Variants in SHPRH observed in about 807,000 individuals in gnomAD.
SHPRH encodes SNF2 histone linker PHD RING helicase.
SHPRH carries 106 observed loss-of-function variants against 202.5 expected under a neutral mutation model. The ratio of observed to expected loss-of-function variants is 0.52; its 90% CI spans 0.45 to 0.62. The LOEUF (loss-of-function observed/expected upper bound fraction) is 0.62, where lower values mean the gene tolerates loss of function less well. SHPRH is among the 20% of genes least tolerant of loss of function. The pLI is 0.00. For missense variants in SHPRH, 1,710 were observed against 2,020.0 expected (o/e 0.85, Z 2.94); for synonymous variants, 729 against 686.0 (o/e 1.06, Z -0.98).
chr6:145,932,671 C>A (rs765066795), intron 14 of SHPRH, among the ~76,000 whole-genome samples: 1 of 152,106 alleles, frequency 6.6e-6, no homozygotes, highest in African/African-American at 2.4e-5. Flanking sequence ...TATTTTTAAA[C>A]CAATGAACAA....
intron 2 of SHPRH, among the ~76,000 whole-genome samples, chr6:145,873,680 G>T (rs528138044): frequency 2.4e-5 from 3 of 125,488 alleles, no homozygotes; most frequent in Non-Finnish European, 4.8e-5. Flanking sequence ...TAGTGTCTCA[G>T]TAACAGTTGC....
chr6:145,867,929 TA>T (rs1364777232), intron 2 of SHPRH, among the ~76,000 whole-genome samples: 2 of 152,044 alleles, frequency 1.3e-5, no homozygotes, highest in Non-Finnish European at 2.9e-5. Flanking sequence ...TCTTCTAGAC[TA>T]AAAACAAAAC....
chr6:145,933,669 T>C lies in SHPRH; in HGVS notation c.2991-491A>G, dbSNP rs192268173. ...ACACAGCAATTTGTTCATATATCTTTTGAAATTTACTATGTTCACTTCATA... is the reference window on the plus strand; with the variant it reads ...ACACAGCAATTTGTTCATATATCTTCTGAAATTTACTATGTTCACTTCATA... On this transcript the variant is annotated intron_variant, in intron 13 of 29. Coordinates refer to ENST00000275233, the MANE Select transcript of SHPRH (RefSeq NM_001042683.3). Among the ~76,000 whole-genome samples the C allele has an allele frequency of 1.8e-3, 272 of 152,344 alleles. 1 individual carries two copies. The highest frequency in any genetic ancestry group is 6.2e-3 in the African/African-American group (259 of 41,582).
chr6:145,926,101 T>C (rs1200337698), intron 16 of SHPRH, 103 bp downstream of exon 16: 2 of 1,039,034 alleles, frequency 1.9e-6, no homozygotes, highest in Non-Finnish European at 2.8e-6. Flanking sequence ...GAAAACATGA[T>C]TACATTTATT....
intron 13 of SHPRH, among the ~76,000 whole-genome samples, chr6:145,934,183 TA>T (rs935192776): frequency 2.2e-4 from 33 of 151,840 alleles, no homozygotes; most frequent in African/African-American, 7.0e-4. Context: ...TACAAAAACA[TA>T]AAACAGGCCG....
At chr6:145,915,265 T>C (rs1783851160) in intron 23 of SHPRH, among the ~76,000 whole-genome samples, 1 of 150,836 alleles carries the variant, frequency 6.6e-6, no homozygotes, top group Non-Finnish European at 1.5e-5. Flanking sequence ...CTCTTTCCTT[T>C]GTGCTACTGA....
At chr6:145,946,445 TA>T in intron 6 of SHPRH, 104 bp from the exon 7 acceptor site, 2 of 925,656 alleles carry the variant, frequency 2.2e-6, no homozygotes, top group Non-Finnish European at 3.1e-6. Flanking sequence ...AAAACAGTTC[TA>T]AAAAAATTGC....
intron 25 of SHPRH, chr6:145,905,769 G>C (rs1458925922): frequency 6.6e-6 from 1 of 151,842 alleles, no homozygotes; most frequent in Admixed American, 6.6e-5. Context: ...ATGTATTCAG[G>C]GGATTCACAG....
chr6:145,929,194 A>G (rs1785183998), intron 14 of SHPRH, among the ~76,000 whole-genome samples: 1 of 151,944 alleles, frequency 6.6e-6, no homozygotes, highest in Non-Finnish European at 1.5e-5. Context: ...TCAATGTTAT[A>G]AAGGTTTAAG....
In SHPRH at chr6:145,886,495, A is replaced by T; in HGVS notation, c.*196T>A. On this transcript the variant is annotated 3_prime_UTR_variant, in exon 30 of 30. Coordinates refer to ENST00000275233, the MANE Select transcript of SHPRH (RefSeq NM_001042683.3). ...TAGGAGTGTAAAATTAAGAATCTTT[A>T]TAGATCTTTTGGAAACAGTATATTG... 1 of 1,014,812 alleles carries T rather than the reference A, an allele frequency of 9.9e-7. No individual in the cohort carries two copies. The highest frequency in any genetic ancestry group is 1.5e-6 in the Non-Finnish European group (1 of 662,096). The allele number at this position is 1,014,812 out of a possible 1,614,324, so 62.9% of individuals were successfully genotyped here. A position where few individuals can be genotyped will look rare whatever the true frequency, so the allele number is the denominator to read the frequency against.
intron 24 of SHPRH, among the ~76,000 whole-genome samples, chr6:145,912,279 G>T (rs978970524): frequency 1.8e-4 from 28 of 151,826 alleles, no homozygotes; most frequent in African/African-American, 6.0e-4. Flanking sequence ...AAAAAAATAC[G>T]GCTACTATAT....
At position 145,955,207 on chromosome 6, in the gene SHPRH, T is replaced by C. The variant is rs1289049275; in HGVS notation, c.116A>G (p.Asp39Gly). 1 of 1,613,756 alleles carries C rather than the reference T, an allele frequency of 6.2e-7. No individual in the cohort carries two copies. Among genetic ancestry groups the C allele is most frequent in the Admixed American group, 1.7e-5 (1 of 59,988 alleles). Residue 39 changes from aspartate to glycine, a missense_variant, in exon 2 of 30, where the codon GAT becomes GGT. By Grantham distance (94) the Asp-to-Gly change is moderately conservative (BLOSUM62 -1). This residue lies in a region of SHPRH where 459 missense variants were observed against 426.5 expected (regional missense o/e 1.08). Transcript: ENST00000275233. ...TGAACCTGGGCAGGGCTGCTCGTCATCATCACTTATGATGATAGGTTCATT... is the reference window on the plus strand; with the variant it reads ...TGAACCTGGGCAGGGCTGCTCGTCACCATCACTTATGATGATAGGTTCATT... ...RRNEPIIISD[D>G]DEQPCPGSDT...
downstream of SHPRH, among the ~76,000 whole-genome samples, chr6:145,859,445 G>A (rs1057460002): frequency 6.6e-6 from 1 of 151,938 alleles, no homozygotes; most frequent in Non-Finnish European, 1.5e-5. Flanking sequence ...TCATTATTAT[G>A]TTCAGAATAA....
intron 2 of SHPRH, among the ~76,000 whole-genome samples, chr6:145,865,908 A>G (rs1779759700): frequency 6.6e-6 from 1 of 152,248 alleles, no homozygotes; most frequent in African/African-American, 2.4e-5. Context: ...AGAAGCTAGG[A>G]CAATGTGGTA....
chr6:145,943,926 G>A, intron 8 of SHPRH, 124 bp from the exon 9 acceptor site: 2 of 914,506 alleles, frequency 2.2e-6, no homozygotes, highest in Non-Finnish European at 3.2e-6. Flanking sequence ...TTTTCCCTGA[G>A]GAGAATCACT....
chr6:145,950,265 A>T lies in SHPRH; in HGVS notation c.981T>A (p.Thr327=). The T allele has an allele frequency of 6.2e-7, 1 of 1,612,506 alleles. No individual in the cohort carries two copies. The highest frequency in any genetic ancestry group is 8.5e-7 in the Non-Finnish European group (1 of 1,179,068). ...QQECFRSSPA[T]ESALHFLWRE... Reference sequence around the variant, plus strand: ...TTTCTTTAAACATCTTATTCTTACCAGTAGCAGGACTGCTTCTGAAACACT... The same window carrying T: ...TTTCTTTAAACATCTTATTCTTACCTGTAGCAGGACTGCTTCTGAAACACT... Residue 327 remains threonine (T), a splice_region_variant and synonymous_variant, in exon 4 of 30, where the codon ACT becomes ACA. Coordinates refer to ENST00000275233, the MANE Select transcript of SHPRH (RefSeq NM_001042683.3).
chr6:145,898,084 G>A (rs1286414770), intron 25 of SHPRH, among the ~76,000 whole-genome samples: 2 of 152,090 alleles, frequency 1.3e-5, no homozygotes, highest in Admixed American at 1.3e-4. Context: ...GTTTGCAGAT[G>A]ACATGATCTT....
At chr6:145,889,421 T>C (rs1296426673) in intron 28 of SHPRH, among the ~76,000 whole-genome samples, 1 of 152,108 alleles carries the variant, frequency 6.6e-6, no homozygotes, top group Non-Finnish European at 1.5e-5. Flanking sequence ...TTAAGACATA[T>C]TTATGGGGTA....
intron 25 of SHPRH, among the ~76,000 whole-genome samples, chr6:145,901,859 T>C (rs1782533165): frequency 6.6e-6 from 1 of 152,086 alleles, no homozygotes; most frequent in Non-Finnish European, 1.5e-5. Flanking sequence ...ATTGCTTGGT[T>C]TTCCTTCATG....
Sources: gnomAD v4.1 joint callset for allele counts (sites outside exome capture counted in the v4.1 genomes callset) on GRCh38, gnomAD v4.1.1 for gene constraint, gnomAD v4.1.1 regional missense constraint, MANE v1.5 for transcripts, NCBI Gene and HGNC (gene_info 2026-07-23, HGNC 2026-07-21) for gene names.